SLC9A9: variants seen among roughly 807,000 people sequenced by gnomAD.
The protein encoded by SLC9A9 is solute carrier family 9 member A9.
In SLC9A9, 62 loss-of-function variants were observed where a neutral mutation model predicts 77.8. The observed-to-expected ratio is 0.80, with a 90% confidence interval of 0.65 to 0.98. SLC9A9 has a LOEUF of 0.98. SLC9A9 is among the 50% of genes least tolerant of loss of function. The probability of loss-of-function intolerance (pLI) is 0.00; values close to 1 mark genes in which losing one functional copy is unlikely to be tolerated. For missense variants in SLC9A9, 775 were observed against 774.9 expected (o/e 1.00, Z 0.00); for synonymous variants, 320 against 283.5 (o/e 1.13, Z -1.29).
chr3:143,420,412 C>T (rs1343028911), intron 12 of SLC9A9, among the ~76,000 whole-genome samples: 1 of 152,174 alleles, frequency 6.6e-6, no homozygotes, highest in East Asian at 1.9e-4. Flanking sequence ...AAGATCCTTT[C>T]TTGCCAGAGC....
chr3:143,808,367 T>C (rs955302324), intron 2 of SLC9A9, among the ~76,000 whole-genome samples: 1 of 152,242 alleles, frequency 6.6e-6, no homozygotes, highest in Non-Finnish European at 1.5e-5. Flanking sequence ...GATCTGCTCA[T>C]CCTATATTTA....
intron 2 of SLC9A9, among the ~76,000 whole-genome samples, chr3:143,810,115 G>A (rs574694218): frequency 2.6e-5 from 4 of 152,258 alleles, no homozygotes; most frequent in East Asian, 1.9e-4. Context: ...ATATGTTCAC[G>A]AGGATGCAGC....
chr3:143,302,544 G>T (rs2030567380), intron 14 of SLC9A9, among the ~76,000 whole-genome samples: 1 of 152,040 alleles, frequency 6.6e-6, no homozygotes, highest in African/African-American at 2.4e-5. Flanking sequence ...GTGGCGGGGA[G>T]GAGGAGAGAG....
At chr3:143,387,232 A>G (rs1559893140) in intron 12 of SLC9A9, among the ~76,000 whole-genome samples, 1 of 152,174 alleles carries the variant, frequency 6.6e-6, no homozygotes, top group Non-Finnish European at 1.5e-5. Flanking sequence ...GCAAGGAGAA[A>G]CAAGGAAGAG....
At chr3:143,453,662 T>C (rs1429700480) in intron 12 of SLC9A9, among the ~76,000 whole-genome samples, 1 of 152,226 alleles carries the variant, frequency 6.6e-6, no homozygotes, top group African/African-American at 2.4e-5. Flanking sequence ...GATTATTTTA[T>C]GAGTGCTGAG....
chr3:143,636,079 T>A (rs1455920554), intron 6 of SLC9A9, among the ~76,000 whole-genome samples: 1 of 152,200 alleles, frequency 6.6e-6, no homozygotes, highest in Non-Finnish European at 1.5e-5. Flanking sequence ...TGAGTTTACA[T>A]TGAAGATATA....
intron 14 of SLC9A9, among the ~76,000 whole-genome samples, chr3:143,299,231 A>AG (rs1180289815): frequency 6.6e-6 from 1 of 152,198 alleles, no homozygotes; most frequent in East Asian, 1.9e-4. Flanking sequence ...GGTAAAAAAA[A>AG]AGGCCCTAAG....
chr3:143,421,425 C>T (rs926121317), intron 12 of SLC9A9, among the ~76,000 whole-genome samples: 6 of 151,976 alleles, frequency 3.9e-5, no homozygotes, highest in Admixed American at 1.3e-4. Flanking sequence ...CATAGACCAA[C>T]TGAACAGAAT....
chr3:143,383,901 C>T (rs1024516161), intron 12 of SLC9A9, among the ~76,000 whole-genome samples: 1 of 152,154 alleles, frequency 6.6e-6, no homozygotes, highest in Admixed American at 6.5e-5. Context: ...ATAAGGAGAA[C>T]AGTAACGGTA....
Position 143,652,310 on chromosome 3 carries a change from T to G in SLC9A9, c.700A>C (p.Thr234Pro). The change falls in exon 6 of 16, where the codon ACA becomes CCA. Residue 234 changes from threonine (T) to proline (P), a missense_variant. By Grantham distance (38) the Thr-to-Pro change is conservative (BLOSUM62 -1). Transcript: ENST00000316549. ...HELHVDPDLY[T>P]LLFGESVLND... Reference sequence around the variant, plus strand: ...AACACACTCTCTCCAAACAAGAGTGTGTACAGGTCAGGGTCGACGTGCAGT... The same window carrying G: ...AACACACTCTCTCCAAACAAGAGTGGGTACAGGTCAGGGTCGACGTGCAGT... 1 of 1,613,450 alleles carries G rather than the reference T, an allele frequency of 6.2e-7. No individual in the cohort carries two copies. Among genetic ancestry groups the G allele is most frequent in the Non-Finnish European group, 8.5e-7 (1 of 1,179,728 alleles).
Position 143,461,912 on chromosome 3 carries a change from T to G in SLC9A9, c.1469+5125A>C, listed in dbSNP as rs190289788. On this transcript the variant is annotated intron_variant, in intron 12 of 15. Transcript: ENST00000316549. ...ATTTAACTCTGCTATTATTTAAGAC[T>G]TAAAGATATTACTAAGGACAGTTCT... Among the ~76,000 whole-genome samples, 381 of 152,360 alleles carry G rather than the reference T, an allele frequency of 2.5e-3. 3 individuals carry two copies. Among genetic ancestry groups the G allele is most frequent in the African/African-American group, 8.9e-3 (371 of 41,598 alleles).
intron 12 of SLC9A9, among the ~76,000 whole-genome samples, chr3:143,385,801 C>T (rs909679809): frequency 6.6e-6 from 1 of 152,138 alleles, no homozygotes; most frequent in African/African-American, 2.4e-5. Context: ...AGCACCTCTC[C>T]CTCAATGTTA....
intron 4 of SLC9A9, among the ~76,000 whole-genome samples, chr3:143,758,358 A>C (rs144406952): frequency 1.4e-4 from 21 of 152,314 alleles, no homozygotes; most frequent in African/African-American, 5.1e-4. Context: ...CACATGTTAT[A>C]ATATTCTTAG....
chr3:143,654,368 G>T (rs2038851737), intron 5 of SLC9A9, among the ~76,000 whole-genome samples: 1 of 152,214 alleles, frequency 6.6e-6, no homozygotes, highest in Non-Finnish European at 1.5e-5. Flanking sequence ...ATCAGGCATA[G>T]AATCAATTTT....
At chr3:143,300,584 CA>C (rs543181929) in intron 14 of SLC9A9, among the ~76,000 whole-genome samples, 811 of 152,350 alleles carry the variant, frequency 5.3e-3, no homozygotes, top group Middle Eastern at 0.01. Context: ...CATTTCTAAG[CA>C]GCTCTCAGGT....
rs184495296 is a variant in SLC9A9, at chr3:143,540,134, G to T, written c.1089+12228C>A. ...AATTAGTATGTGCCACCAAGACATT[G>T]CCTATTGGGTAGAGATAGTCTTGGG... On this transcript the variant is annotated intron_variant, in intron 9 of 15. Transcript: ENST00000316549. Among the ~76,000 whole-genome samples the T allele has an allele frequency of 2.1e-3, 326 of 152,218 alleles. 3 individuals carry two copies. Among genetic ancestry groups the T allele is most frequent in the African/African-American group, 7.6e-3 (317 of 41,566 alleles).
chr3:143,630,956 A>T (rs988949411), intron 6 of SLC9A9, among the ~76,000 whole-genome samples: 4 of 152,162 alleles, frequency 2.6e-5, no homozygotes, highest in Non-Finnish European at 5.9e-5. Flanking sequence ...TATTTTATTT[A>T]GTATACTTGC....
At chr3:143,692,399 C>T (rs903184253) in intron 5 of SLC9A9, among the ~76,000 whole-genome samples, 3 of 152,096 alleles carry the variant, frequency 2.0e-5, no homozygotes, top group African/African-American at 2.4e-5. Context: ...TGGCAATACT[C>T]ATTTTTCAAA....
chr3:143,623,638 A>G (rs1251985096), intron 6 of SLC9A9, among the ~76,000 whole-genome samples: 1 of 152,208 alleles, frequency 6.6e-6, no homozygotes, highest in Non-Finnish European at 1.5e-5. Flanking sequence ...AATTTATAGC[A>G]CTAAATGCCC....
Sources: gnomAD v4.1 joint callset for allele counts (sites outside exome capture counted in the v4.1 genomes callset) on GRCh38, gnomAD v4.1.1 for gene constraint, MANE v1.5 for transcripts, NCBI Gene and HGNC (gene_info 2026-07-23, HGNC 2026-07-21) for gene names.